MICAL3: variants seen among roughly 807,000 people sequenced by gnomAD.
MICAL3 encodes [F-actin]-monooxygenase MICAL3.
A neutral mutation model predicts 207.4 loss-of-function variants in MICAL3; 62 were observed. That is an observed-to-expected ratio of 0.30 (90% CI 0.24 to 0.37). MICAL3 has a LOEUF of 0.37. Among genes scored for constraint, MICAL3 ranks in the 10% least tolerant of loss-of-function variants. The pLI is 1.00. For synonymous variants in MICAL3, 1,077 were observed against 1,069.3 expected, an observed-to-expected ratio of 1.01 and a Z score of -0.14; for missense variants, 2,368 against 2,635.6, an observed-to-expected ratio of 0.90 and a Z score of 2.22.
intron 17 of MICAL3, among the ~76,000 whole-genome samples, chr22:17,868,065 G>GTT (rs1225665676): frequency 6.6e-6 from 1 of 152,180 alleles, no homozygotes; most frequent in East Asian, 1.9e-4. Flanking sequence ...CCAGAAAACT[G>GTT]TTTTCTCTAG....
chr22:17,810,149 A>G (rs1300317101), intron 28 of MICAL3, among the ~76,000 whole-genome samples: 1 of 140,812 alleles, frequency 7.1e-6, no homozygotes, highest in Admixed American at 7.9e-5. Flanking sequence ...TGCAAGCTCC[A>G]CTTGCTGGGT....
intron 16 of MICAL3, chr22:17,875,409 C>T (rs754298798): frequency 3.6e-5 from 48 of 1,327,078 alleles, no homozygotes; most frequent in African/African-American, 4.6e-5. Context: ...GTGGAGGCTG[C>T]GGAGGGCAGA....
intron 11 of MICAL3, 114 bp downstream of exon 11, chr22:17,893,694 G>A (rs954299646): frequency 9.2e-6 from 7 of 763,536 alleles, no homozygotes; most frequent in Admixed American, 2.2e-5. Context: ...GAGAGCCACT[G>A]TCTCAGACAG....
In MICAL3 at chr22:17,904,676, T is replaced by C; in HGVS notation, c.428A>G (p.Lys143Arg). The change falls in exon 3 of 32, where the codon AAG becomes AGG. Residue 143 changes from lysine to arginine, a missense_variant. Around this residue, in one of 4 missense-constraint regions of MICAL3, gnomAD observed 400 missense variants for 547.0 expected, o/e 0.73. Transcript: ENST00000441493. ...TIHDLRGLGA[K>R]KFYGKFCAGA... ...AGCACAGAACTTGCCATAGAACTTC[T>C]TGGCACCCAGACCTCGTAGATCATG... The C allele has an allele frequency of 6.2e-7, 1 of 1,614,150 alleles. No homozygotes were observed. Among genetic ancestry groups the C allele is most frequent in the Non-Finnish European group, 8.5e-7 (1 of 1,179,994 alleles).
rs1263044562 is a variant in MICAL3, at chr22:17,896,724, C to T, written c.1206G>A (p.Glu402=). The T allele has an allele frequency of 3.1e-6, 5 of 1,613,332 alleles. No individual in the cohort carries two copies. The South Asian group carries it at 5.5e-5, about 18-fold the overall frequency. Reference sequence around the variant, plus strand: ...GAGTGCTGCCATGCTTAGCACTCACCTCTAGGAGGCTGTCCCCGACCAGAG... The same window carrying T: ...GAGTGCTGCCATGCTTAGCACTCACTTCTAGGAGGCTGTCCCCGACCAGAG... ...LVALVGDSLL[E]PFWPMGTGIA... Residue 402 remains glutamate (E), a splice_region_variant and synonymous_variant, in exon 8 of 32, where the codon GAG becomes GAA. Transcript: ENST00000441493.
rs1935738826 is a variant in MICAL3 at position 17,978,092 on chromosome 22, GA to G, written c.-75+46188del. 2.0e-5 allele frequency among the ~76,000 whole-genome samples: 3 copies of G among 152,014 alleles called. No homozygotes were observed. The South Asian group carries it at 6.2e-4, about 32-fold the overall frequency. On this transcript the variant is annotated intron_variant, in intron 1 of 31. Transcript: ENST00000441493. The stretch of plus-strand genomic sequence containing the variant: ...TACACCTACACAAAAACTTGCACAT[GA>G]CTATTCATAGCAATATTCCAAATAG...
In MICAL3 at chr22:17,791,237, G is replaced by A. The variant is rs372404519; in HGVS notation, c.5715C>T (p.Asn1905=). Residue 1905 remains asparagine (N), a synonymous_variant, in exon 30 of 32, where the codon AAC becomes AAT. Transcript: ENST00000441493. ...GCTCCGACTCGTAGCGCACCATGGC[G>A]TTCTTCTCCTGCACTAGCTTGAACC... ...QEWFKLVQEK[N]AMVRYESELM... 69 of 1,613,730 alleles carry A rather than the reference G, an allele frequency of 4.3e-5. No homozygotes were observed. Among genetic ancestry groups the A allele is most frequent in the African/African-American group, 1.1e-4 (8 of 74,932 alleles).
intron 1 of MICAL3, among the ~76,000 whole-genome samples, chr22:18,012,675 C>T (rs1015101692): frequency 2.0e-5 from 3 of 152,242 alleles, no homozygotes; most frequent in African/African-American, 7.2e-5. Context: ...ATACCATCTT[C>T]TGTGTGTATC....
At chr22:17,905,998 C>G (rs1222660920) in intron 2 of MICAL3, among the ~76,000 whole-genome samples, 2 of 152,168 alleles carry the variant, frequency 1.3e-5, no homozygotes, top group East Asian at 3.8e-4. Flanking sequence ...TATACCTTAC[C>G]AGCTACTGAG....
chr22:17,935,776 G>A (rs574106864), intron 1 of MICAL3, among the ~76,000 whole-genome samples: 1 of 152,168 alleles, frequency 6.6e-6, no homozygotes, highest in Non-Finnish European at 1.5e-5. Context: ...AATATGAACA[G>A]ACACTTCTCA....
chr22:17,846,525 C>G (rs944794052), intron 19 of MICAL3, among the ~76,000 whole-genome samples: 3 of 152,216 alleles, frequency 2.0e-5, no homozygotes, highest in African/African-American at 4.8e-5. Context: ...GCGGTAACAG[C>G]AGGGGCCTGG....
At chr22:17,921,575 A>ATC (rs1157885811) in intron 1 of MICAL3, among the ~76,000 whole-genome samples, 2 of 152,120 alleles carry the variant, frequency 1.3e-5, no homozygotes, top group African/African-American at 4.8e-5. Context: ...TGCAACCTCC[A>ATC]TCTTCAGGGT....
intron 17 of MICAL3, 30 bp downstream of exon 17, chr22:17,871,807 C>T (rs1269365430): frequency 6.4e-7 from 1 of 1,567,574 alleles, no homozygotes; most frequent in Admixed American, 1.8e-5. Flanking sequence ...CACAGTTTCT[C>T]AGTGGGGCCG....
intron 1 of MICAL3, among the ~76,000 whole-genome samples, chr22:18,022,296 G>A (rs2034297): frequency 0.21 from 31,680 of 152,020 alleles, 3,844 homozygotes; most frequent in East Asian, 0.38. Flanking sequence ...TTTCCCATAG[G>A]CTTACGAGGG....
intron 1 of MICAL3, among the ~76,000 whole-genome samples, chr22:18,007,687 C>G (rs960818070): frequency 1.4e-5 from 2 of 146,932 alleles, no homozygotes; most frequent in Admixed American, 1.3e-4. Flanking sequence ...GGTGCTGTGG[C>G]TCACGCCTGT....
At chr22:17,876,787 AGGTTAGG>A (rs1928458884) in intron 16 of MICAL3, 1 of 137,950 alleles carries the variant, frequency 7.2e-6, no homozygotes, top group African/African-American at 2.9e-5. Context: ...GAGGTTAGGG[AGGTTAGG>A]GAAGTTATGG....
At chr22:17,992,706 G>T (rs1036075084) in intron 1 of MICAL3, among the ~76,000 whole-genome samples, 8 of 152,106 alleles carry the variant, frequency 5.3e-5, no homozygotes, top group African/African-American at 1.9e-4. Flanking sequence ...AAACCCGGAG[G>T]CCGCCAATTC....
At chr22:17,828,328 G>A (rs1300198939) in intron 21 of MICAL3, among the ~76,000 whole-genome samples, 2 of 152,128 alleles carry the variant, frequency 1.3e-5, no homozygotes, top group African/African-American at 2.4e-5. Flanking sequence ...GCCGCCAGCC[G>A]GCCAGCTCAC....
At chr22:18,024,253 G>T (rs1924660487) in intron 1 of MICAL3, 28 bp downstream of exon 1, 1 of 152,270 alleles carries the variant, frequency 6.6e-6, no homozygotes, top group Admixed American at 6.5e-5. Flanking sequence ...AGATTCGCTC[G>T]CCCACAGGGG....
Sources: allele counts gnomAD v4.1 joint callset (sites outside exome capture counted in the v4.1 genomes callset), GRCh38; gene constraint gnomAD v4.1.1; regional missense constraint gnomAD v4.1.1; transcripts MANE v1.5; gene names NCBI Gene and HGNC (gene_info 2026-07-23, HGNC 2026-07-21).